The following ROS1 variants were observed in gnomAD, a reference collection of about 807,000 sequenced individuals.
ROS1 encodes proto-oncogene tyrosine-protein kinase ROS.
In ROS1, 263 loss-of-function variants were observed where a neutral mutation model predicts 273.5. The ratio of observed to expected loss-of-function variants is 0.96; its 90% CI spans 0.87 to 1.06. The LOEUF (loss-of-function observed/expected upper bound fraction) is 1.06. Ranked by LOEUF, ROS1 falls within the 50% of genes least tolerant of loss-of-function variation. The pLI, the probability that ROS1 is intolerant of heterozygous loss-of-function variation, is 0.00. For missense variants in ROS1, 2,833 were observed against 2,751.1 expected (o/e 1.03, Z -0.67); for synonymous variants, 1,008 against 954.1 (o/e 1.06, Z -1.04).
chr6:117,388,260 T>A (rs886444102), intron 13 of ROS1, among the ~76,000 whole-genome samples: 13 of 152,174 alleles, frequency 8.5e-5, no homozygotes, highest in African/African-American at 3.1e-4. Flanking sequence ...GCTTGCTGCA[T>A]ATAATTGTCA....
chr6:117,411,238 TC>T (rs1371119375), intron 4 of ROS1, among the ~76,000 whole-genome samples: 3 of 151,230 alleles, frequency 2.0e-5, no homozygotes, highest in Non-Finnish European at 4.4e-5. Flanking sequence ...TCTCTCTCTC[TC>T]TCTTTCTCTC....
chr6:117,403,206 C>A lies in ROS1; in HGVS notation c.537G>T (p.Trp179Cys), dbSNP rs1178798860. ...AGAGCTGCAGCTGCGCTGTGAAGAT[C>A]CAAACCACTCGGAAAATGTACTCAG... The part of the protein sequence containing the change: ...PFTEYIFRVV[W>C]IFTAQLQLYS... Residue 179 changes from tryptophan (W) to cysteine (C), a missense_variant, in exon 7 of 44, where the codon TGG becomes TGT. By Grantham distance (215) the Trp-to-Cys change is radical. Transcript: ENST00000368507. 6.2e-7 allele frequency: 1 copy of A among 1,612,150 alleles called. No individual in the cohort carries two copies. Among genetic ancestry groups the A allele is most frequent in the Non-Finnish European group, 8.5e-7 (1 of 1,179,628 alleles).
intron 18 of ROS1, among the ~76,000 whole-genome samples, chr6:117,377,212 T>C (rs943241405): frequency 3.3e-5 from 5 of 152,108 alleles, no homozygotes; most frequent in African/African-American, 1.2e-4. Context: ...CCCGGTTCAA[T>C]TGATTCTCAT....
intron 32 of ROS1, among the ~76,000 whole-genome samples, chr6:117,330,001 C>T (rs1776960043): frequency 6.6e-6 from 1 of 152,104 alleles, no homozygotes; most frequent in South Asian, 2.1e-4. Flanking sequence ...GCTGTCTAAG[C>T]CCTTTGAGCT....
intron 43 of ROS1, among the ~76,000 whole-genome samples, chr6:117,300,564 A>C (rs773352887): frequency 1.3e-5 from 2 of 152,168 alleles, no homozygotes; most frequent in Non-Finnish European, 2.9e-5. Context: ...TGGGGATAAA[A>C]TGGCTAAACA....
chr6:117,326,721 C>A (rs1175051974), intron 33 of ROS1, among the ~76,000 whole-genome samples: 1 of 152,082 alleles, frequency 6.6e-6, no homozygotes, highest in African/African-American at 2.4e-5. Context: ...GAATTCCAAA[C>A]CTATAAGACA....
chr6:117,415,947 C>A (rs2076691729), intron 3 of ROS1, among the ~76,000 whole-genome samples: 1 of 152,056 alleles, frequency 6.6e-6, no homozygotes, highest in Non-Finnish European at 1.5e-5. Flanking sequence ...GACGCATAGG[C>A]CTAGGAAATT....
At chr6:117,399,838 T>C (rs1773802639) in intron 7 of ROS1, among the ~76,000 whole-genome samples, 1 of 152,256 alleles carries the variant, frequency 6.6e-6, no homozygotes, top group Non-Finnish European at 1.5e-5. Flanking sequence ...ACCTCCCAGC[T>C]GGTCTCTACC....
At chr6:117,405,215 A>T (rs937341186) in intron 5 of ROS1, among the ~76,000 whole-genome samples, 10 of 152,198 alleles carry the variant, frequency 6.6e-5, no homozygotes, top group African/African-American at 2.4e-4. Flanking sequence ...AACTCCTGGG[A>T]CCTTACTCTG....
chr6:117,371,430 A>G (rs1403842588), intron 18 of ROS1, among the ~76,000 whole-genome samples: 1 of 152,176 alleles, frequency 6.6e-6, no homozygotes, highest in Admixed American at 6.5e-5. Context: ...GGGCACTTGC[A>G]GTCCCCAGGG....
chr6:117,403,232 T>G lies in ROS1; in HGVS notation c.511A>C (p.Thr171Pro). 1 of 1,612,324 alleles carries G rather than the reference T, an allele frequency of 6.2e-7. No homozygotes were observed. The highest frequency in any genetic ancestry group is 8.5e-7 in the Non-Finnish European group (1 of 1,179,634). The change falls in exon 7 of 44, where the codon ACT becomes CCT. Residue 171 changes from threonine (T) to proline (P), a missense_variant. Thr to Pro is a conservative substitution (Grantham distance 38, BLOSUM62 -1). Transcript: ENST00000368507. Reference sequence around the variant, plus strand: ...CAAACCACTCGGAAAATGTACTCAGTGAAGGGGTGCAGGGGCTTGACCACA... The same window carrying G: ...CAAACCACTCGGAAAATGTACTCAGGGAAGGGGTGCAGGGGCTTGACCACA... Reference protein sequence around the residue: ...SYVVKPLHPFTEYIFRVVWIF... With the variant: ...SYVVKPLHPFPEYIFRVVWIF...
intron 43 of ROS1, among the ~76,000 whole-genome samples, chr6:117,295,035 A>C (rs1362153916): frequency 6.6e-6 from 1 of 152,206 alleles, no homozygotes; most frequent in African/African-American, 2.4e-5. Flanking sequence ...AACTCAAAGA[A>C]TCACATTACT....
At position 117,321,401 on chromosome 6, in the gene ROS1, A is replaced by G; in HGVS notation, c.5624-7T>C. 1 of 1,587,546 alleles carries G rather than the reference A, an allele frequency of 6.3e-7. No individual in the cohort carries two copies. Among genetic ancestry groups the G allele is most frequent in the Non-Finnish European group, 8.5e-7 (1 of 1,169,940 alleles). ...TTTAATCTTCTATGCCAGACTATAA[A>G]GGAAAAAATGACATAATTTACAAAA... On this transcript the variant is annotated splice_polypyrimidine_tract_variant and splice_region_variant and intron_variant, in intron 35 of 43. Transcript: ENST00000368507.
chr6:117,366,015 C>T, intron 19 of ROS1, 61 bp downstream of exon 19: 1 of 1,362,298 alleles, frequency 7.3e-7, no homozygotes. Flanking sequence ...ATATCCCAAC[C>T]TAAACATTTA....
chr6:117,423,624 C>T (rs1775922076), intron 1 of ROS1, among the ~76,000 whole-genome samples: 1 of 151,926 alleles, frequency 6.6e-6, no homozygotes, highest in South Asian at 2.1e-4. Context: ...TACCAATGCT[C>T]AAGCATAGAA....
At chr6:117,301,605 G>C (rs1774735789) in intron 42 of ROS1, 1 of 153,414 alleles carries the variant, frequency 6.5e-6, no homozygotes, top group Non-Finnish European at 1.4e-5. Flanking sequence ...TTCCCTGATA[G>C]AAGAGGACCA....
intron 4 of ROS1, among the ~76,000 whole-genome samples, chr6:117,413,356 C>T (rs991647888): frequency 4.6e-5 from 7 of 152,118 alleles, no homozygotes; most frequent in African/African-American, 9.7e-5. Flanking sequence ...CTTGAACCTC[C>T]GAAGTAGCTG....
intron 43 of ROS1, among the ~76,000 whole-genome samples, chr6:117,294,095 C>T (rs4467809): frequency 0.53 from 80,330 of 151,896 alleles, 21,969 homozygotes; most frequent in East Asian, 0.6. Context: ...AGGCATTTGA[C>T]AAGATTTAGC....
Position 117,365,222 on chromosome 6 carries a change from A to G in ROS1, c.2959-18T>C. ...GCCAAGAACTAAAATATAAACAGAA[A>G]ACATTATTTTCTCAGGGAGAGAATT... On this transcript the variant is annotated intron_variant, in intron 20 of 43. Transcript: ENST00000368507. The G allele has an allele frequency of 6.4e-7, 1 of 1,557,818 alleles. No individual in the cohort carries two copies. The highest frequency in any genetic ancestry group is 8.7e-7 in the Non-Finnish European group (1 of 1,147,620).
Sources: gnomAD v4.1 joint callset for allele counts (sites outside exome capture counted in the v4.1 genomes callset) on GRCh38, gnomAD v4.1.1 for gene constraint, MANE v1.5 for transcripts, NCBI Gene and HGNC (gene_info 2026-07-23, HGNC 2026-07-21) for gene names.